Variants in FAM13B observed in about 807,000 individuals in gnomAD.
FAM13B encodes family with sequence similarity 13 member B.
Under a neutral mutation model 117.3 loss-of-function variants are expected in FAM13B, and 60 were observed. The ratio of observed to expected loss-of-function variants is 0.51; its 90% CI spans 0.42 to 0.63. FAM13B has a LOEUF of 0.63. Among genes scored for constraint, FAM13B ranks in the 30% least tolerant of loss-of-function variants. The probability of loss-of-function intolerance (pLI) is 0.00; values close to 1 mark genes in which losing one functional copy is unlikely to be tolerated. For synonymous variants in FAM13B, 332 were observed against 356.1 expected, an observed-to-expected ratio of 0.93 and a Z score of 0.76; for missense variants, 972 against 1,091.9, an observed-to-expected ratio of 0.89 and a Z score of 1.55.
intron 17 of FAM13B, among the ~76,000 whole-genome samples, chr5:137,949,438 G>GACT (rs1224766167): frequency 6.6e-6 from 1 of 152,082 alleles, no homozygotes; most frequent in Admixed American, 6.6e-5. Context: ...AGGAGTTTGA[G>GACT]ACTAGCCTGG....
At position 137,987,468 on chromosome 5, in the gene FAM13B, T is replaced by A. The variant is rs753178939; in HGVS notation, c.1039A>T (p.Asn347Tyr). The A allele has an allele frequency of 8.1e-6, 13 of 1,609,240 alleles. No individual in the cohort carries two copies. In the African/African-American group the frequency reaches 1.5e-4, roughly 18 times the overall value. Residue 347 changes from asparagine to tyrosine, a missense_variant, in exon 9 of 24, where the codon AAT becomes TAT. Asn to Tyr is a moderately radical substitution (Grantham distance 143). Transcript: ENST00000689681. ...ESIHCDGEGSNNQIDIADDII... is the reference protein window; with the variant it reads ...ESIHCDGEGSYNQIDIADDII... ...CAGTAAAATGTTTCTTACTGGTTAT[T>A]AGATCCTTCCCCATCACAATGAATA... is the stretch of plus-strand genomic sequence containing the variant.
chr5:137,988,386 G>A, intron 7 of FAM13B, 71 bp from the exon 8 acceptor site: 1 of 1,254,614 alleles, frequency 8.0e-7, no homozygotes, highest in South Asian at 1.4e-5. Context: ...GCTGAAATCT[G>A]CCATATTTGC....
At chr5:137,978,693 GGCT>G (rs1774751337) in intron 10 of FAM13B, among the ~76,000 whole-genome samples, 2 of 152,096 alleles carry the variant, frequency 1.3e-5, no homozygotes, top group Admixed American at 6.6e-5. Context: ...CTATGGTCAT[GGCT>G]GCTTTTTTTC....
chr5:138,003,917 A>G (rs1226450232), intron 7 of FAM13B, among the ~76,000 whole-genome samples: 1 of 152,152 alleles, frequency 6.6e-6, no homozygotes, highest in African/African-American at 2.4e-5. Context: ...CTTCTTATTA[A>G]TAAACTGCTT....
At chr5:138,010,043 C>T (rs563515977) in intron 6 of FAM13B, among the ~76,000 whole-genome samples, 28 of 152,050 alleles carry the variant, frequency 1.8e-4, no homozygotes, top group Admixed American at 3.3e-4. Context: ...TGCAGTGCTA[C>T]GATCTTGGCT....
At chr5:138,008,804 G>A (rs1460055783) in intron 6 of FAM13B, among the ~76,000 whole-genome samples, 1 of 152,134 alleles carries the variant, frequency 6.6e-6, no homozygotes, top group Non-Finnish European at 1.5e-5. Context: ...TCAACCACAG[G>A]TCTATCAAGC....
chr5:138,029,828 A>C (rs1377278146), intron 1 of FAM13B, among the ~76,000 whole-genome samples: 1 of 152,256 alleles, frequency 6.6e-6, no homozygotes, highest in Non-Finnish European at 1.5e-5. Context: ...TAGGTAAACA[A>C]AACTGAACTT....
At chr5:137,965,087 C>G (rs889666395) in intron 10 of FAM13B, among the ~76,000 whole-genome samples, 4 of 152,176 alleles carry the variant, frequency 2.6e-5, no homozygotes, top group Middle Eastern at 3.4e-3. Flanking sequence ...ATCACTTGAA[C>G]CCAGTGGGGA....
chr5:137,974,200 C>T (rs1773191994), intron 10 of FAM13B, among the ~76,000 whole-genome samples: 1 of 151,088 alleles, frequency 6.6e-6, no homozygotes, highest in African/African-American at 2.4e-5. Flanking sequence ...GACTTGGAAC[C>T]AACCCAAATG....
chr5:138,038,874 C>T (rs1791381006), intron 1 of FAM13B, among the ~76,000 whole-genome samples: 1 of 152,194 alleles, frequency 6.6e-6, no homozygotes, highest in Non-Finnish European at 1.5e-5. Context: ...ATCATGATCT[C>T]TGCCCTGGAA....
chr5:137,942,772 G>T, intron 22 of FAM13B, 103 bp downstream of exon 22: 2 of 942,550 alleles, frequency 2.1e-6, no homozygotes, highest in South Asian at 2.0e-5. Context: ...ATAAATTCTT[G>T]ATTCATCTCC....
chr5:137,947,691 T>C (rs1431850622), intron 18 of FAM13B, among the ~76,000 whole-genome samples: 1 of 152,060 alleles, frequency 6.6e-6, no homozygotes, highest in Non-Finnish European at 1.5e-5. Flanking sequence ...AAGCAATTCT[T>C]CTGCCTCAGC....
In FAM13B at chr5:137,945,931, G is replaced by C. The variant is rs41298974; in HGVS notation, c.2311C>G (p.Leu771Val). 2.2e-5 allele frequency: 35 copies of C among 1,613,052 alleles called. No homozygotes were observed. Among genetic ancestry groups the C allele is most frequent in the African/African-American group, 4.0e-5 (3 of 74,954 alleles). Residue 771 changes from leucine (L) to valine (V), a missense_variant, in exon 20 of 24, where the codon CTG becomes GTG. Leu to Val is a conservative substitution (Grantham distance 32, BLOSUM62 1). Transcript: ENST00000689681. ...YDRYRLVKQMLTRASITPVLG... is the reference protein window; with the variant it reads ...YDRYRLVKQMVTRASITPVLG... ...ACAGGAGTGATGCTAGCTCTTGTCAGCATTTGTTTTACAAGCCTGTATCTA... is the reference window on the plus strand; with the variant it reads ...ACAGGAGTGATGCTAGCTCTTGTCACCATTTGTTTTACAAGCCTGTATCTA...
At position 138,011,249 on chromosome 5, in the gene FAM13B, T is replaced by A. The variant is rs1286403647; in HGVS notation, c.549-100A>T. 3 of 1,093,538 alleles carry A rather than the reference T, an allele frequency of 2.7e-6. 1 individual carries two copies. The highest frequency in any genetic ancestry group is 4.0e-6 in the Non-Finnish European group (3 of 756,212). 67.7% of individuals were successfully genotyped at this position (1,093,538 alleles called of 1,614,324 possible). On this transcript the variant is annotated intron_variant, in intron 5 of 23. Transcript: ENST00000689681. Reference sequence around the variant, plus strand: ...ATACTTTATGAACATGGGCAATTTATGTTACCATTCTGTGCTTCCATTCTC... The same window carrying A: ...ATACTTTATGAACATGGGCAATTTAAGTTACCATTCTGTGCTTCCATTCTC...
intron 10 of FAM13B, among the ~76,000 whole-genome samples, chr5:137,968,605 G>A (rs1216550363): frequency 6.6e-6 from 1 of 152,102 alleles, no homozygotes; most frequent in Non-Finnish European, 1.5e-5. Flanking sequence ...GGGGGGAGGA[G>A]CCAAGATGGC....
At position 138,019,089 on chromosome 5, in the gene FAM13B, G is replaced by A. The variant is rs1442510970; in HGVS notation, c.23C>T (p.Ser8Phe). Residue 8 changes from serine to phenylalanine, a missense_variant, in exon 3 of 24, where the codon TCC (serine) becomes TTC (phenylalanine). Coordinates refer to ENST00000689681, the MANE Select transcript of FAM13B (RefSeq NM_001385994.1). MRKSSSP[S>F]LSNCNSVLAN... ...AAGAACGGAGTTGCAGTTACTCAAG[G>A]AAGGGGAGGAGCTCTTCCTCATATC... 6.2e-7 allele frequency: 1 copy of A among 1,613,986 alleles called. No homozygotes were observed. The highest frequency in any genetic ancestry group is 1.1e-5 in the South Asian group (1 of 91,074).
At chr5:138,012,035 C>T (rs532743060) in intron 4 of FAM13B, 90 bp from the exon 5 acceptor site, 5 of 824,706 alleles carry the variant, frequency 6.1e-6, no homozygotes, top group African/African-American at 3.6e-5. Flanking sequence ...ACCCACATCA[C>T]CTTTTTAATA....
At chr5:138,036,740 G>A, upstream of FAM13B, 1 of 368,198 alleles carries the variant, frequency 2.7e-6, no homozygotes, top group Non-Finnish European at 5.3e-6. Context: ...TTTTTTGGTG[G>A]ATGGAGGGAA....
chr5:138,041,615 A>T (rs1391211059), intron 1 of FAM13B, among the ~76,000 whole-genome samples: 1 of 152,228 alleles, frequency 6.6e-6, no homozygotes, highest in East Asian at 1.9e-4. Flanking sequence ...GAGTAATTAC[A>T]ATCAGTGTAA....
Sources: gnomAD v4.1 joint callset for allele counts (sites outside exome capture counted in the v4.1 genomes callset) on GRCh38, gnomAD v4.1.1 for gene constraint, MANE v1.5 for transcripts, NCBI Gene and HGNC (gene_info 2026-07-23, HGNC 2026-07-21) for gene names.